The following TJP1 variants were observed in gnomAD, a reference collection of about 807,000 sequenced individuals.
The protein encoded by TJP1 is tight junction protein ZO-1.
In TJP1, 43 loss-of-function variants were observed where a neutral mutation model predicts 194.2. The ratio of observed to expected loss-of-function variants is 0.22; its 90% CI spans 0.17 to 0.29. TJP1 has a LOEUF of 0.29. Ranked by LOEUF, TJP1 falls within the 10% of genes least tolerant of loss-of-function variation. TJP1 has a pLI of 1.00. For missense variants in TJP1, 1,971 were observed against 2,185.7 expected (o/e 0.90, Z 1.96); for synonymous variants, 801 against 779.0 (o/e 1.03, Z -0.47).
Position 29,732,831 on chromosome 15 carries a change from G to A in TJP1, c.1737-16C>T. The A allele has an allele frequency of 1.3e-6, 2 of 1,558,402 alleles. No individual in the cohort carries two copies. Among genetic ancestry groups the A allele is most frequent in the Non-Finnish European group, 1.7e-6 (2 of 1,158,154 alleles). On this transcript the variant is annotated splice_polypyrimidine_tract_variant and intron_variant, in intron 13 of 27. Transcript: ENST00000614355. Reference sequence around the variant, plus strand: ...CTGCTCAGCTCTACACAAGAAAGGAGAAAATTAAAATAAGGGCATTTAAAA... The same window carrying A: ...CTGCTCAGCTCTACACAAGAAAGGAAAAAATTAAAATAAGGGCATTTAAAA...
intron 2 of TJP1, among the ~76,000 whole-genome samples, chr15:29,790,988 T>A (rs2048041113): frequency 6.6e-6 from 1 of 152,140 alleles, no homozygotes; most frequent in South Asian, 2.1e-4. Flanking sequence ...TCACGAATAA[T>A]GCTGCAATAA....
intron 2 of TJP1, among the ~76,000 whole-genome samples, chr15:29,834,376 C>T (rs2050955618): frequency 6.6e-6 from 1 of 152,074 alleles, no homozygotes; most frequent in East Asian, 2.0e-4. Context: ...GGGCACCACC[C>T]GCCCAGCTAA....
intron 8 of TJP1, among the ~76,000 whole-genome samples, chr15:29,744,910 A>C (rs1756361893): frequency 6.6e-6 from 1 of 152,206 alleles, no homozygotes; most frequent in Admixed American, 6.5e-5. Context: ...TTCTAAATAA[A>C]TAAAATACTA....
rs1475411982 is a variant in TJP1 at position 29,700,361 on chromosome 15, T to C, written c.*1234A>G. 5.0e-6 allele frequency: 2 copies of C among 398,862 alleles called. No homozygotes were observed. The highest frequency in any genetic ancestry group is 3.6e-5 in the East Asian group (1 of 28,058). The allele number at this position is 398,862 out of a possible 1,614,324, so 24.7% of individuals were successfully genotyped here. ...ATCACAAATTACAGTAGGGATACTTTGCAAGAATTTAATCAAACTAGAGAA... is the reference window on the plus strand; with the variant it reads ...ATCACAAATTACAGTAGGGATACTTCGCAAGAATTTAATCAAACTAGAGAA... On this transcript the variant is annotated 3_prime_UTR_variant, in exon 28 of 28. Transcript: ENST00000614355.
rs371167321 is a variant in TJP1 at position 29,945,776 on chromosome 15, A to AACACACACACAC, written c.306+10444_306+10455dup. 3.8e-4 allele frequency among the ~76,000 whole-genome samples: 57 copies of AACACACACACAC among 150,130 alleles called. 1 individual carries two copies. The highest frequency in any genetic ancestry group is 1.3e-3 in the African/African-American group (52 of 40,974). On this transcript the variant is annotated intron_variant, in intron 2 of 28. Transcript: ENST00000356107. Reference sequence around the variant, plus strand: ...TACCAGTGAGAACTTAAGGCTATTAAACACACACACACACACACACACACG... The same window carrying AACACACACACAC: ...TACCAGTGAGAACTTAAGGCTATTAAACACACACACACACACACACACACACACACACACACG...
At chr15:29,905,506 T>C (rs1596227002) in intron 2 of TJP1, among the ~76,000 whole-genome samples, 1 of 152,216 alleles carries the variant, frequency 6.6e-6, no homozygotes, top group Admixed American at 6.5e-5. Context: ...TCACACTCTT[T>C]AGTATTTATC....
At chr15:29,867,171 C>G (rs907077936) in intron 2 of TJP1, among the ~76,000 whole-genome samples, 2 of 152,168 alleles carry the variant, frequency 1.3e-5, no homozygotes, top group Non-Finnish European at 2.9e-5. Context: ...CAGGAACATT[C>G]CTGGACACGA....
chr15:29,812,185 G>A (rs746092839), intron 1 of TJP1, among the ~76,000 whole-genome samples: 1 of 152,190 alleles, frequency 6.6e-6, no homozygotes, highest in Non-Finnish European at 1.5e-5. Context: ...GAGTTGCTCG[G>A]TGATAATCTT....
At chr15:29,717,261 A>G (rs927720104) in intron 22 of TJP1, among the ~76,000 whole-genome samples, 1 of 152,222 alleles carries the variant, frequency 6.6e-6, no homozygotes, top group East Asian at 1.9e-4. Flanking sequence ...AATGATTCTC[A>G]TATGAACAAA....
chr15:29,833,881 A>ATATATATATATATATTTTTTTTTTTTT, intron 2 of TJP1, among the ~76,000 whole-genome samples: 1 of 12,614 alleles, frequency 7.9e-5, no homozygotes. Context: ...ATATATATAT[A>ATATATATATATATATTTTTTTTTTTTT]TTTTTTTTTT....
chr15:29,732,312 G>A lies in TJP1; in HGVS notation c.2017+121C>T, dbSNP rs2043717285. ...TTTTCTCACCAAATTAAAAGAATGG[G>A]ATAAACTGCTAATTTTTCACTGACA... On this transcript the variant is annotated intron_variant, in intron 15 of 27. Transcript: ENST00000614355. 2.6e-5 allele frequency: 22 copies of A among 836,836 alleles called. No individual in the cohort carries two copies. In the South Asian group the frequency reaches 3.5e-4, roughly 13 times the overall value. The allele number at this position is 836,836 out of a possible 1,614,324, so 51.8% of individuals were successfully genotyped here. A position where few individuals can be genotyped will look rare whatever the true frequency, so the allele number is the denominator to read the frequency against.
chr15:29,956,347 T>C (rs1226687738), exon 2 of TJP1: 1 of 1,288,966 alleles, frequency 7.8e-7, no homozygotes, highest in Non-Finnish European at 1.0e-6. Context: ...ATTAGGATTT[T>C]CAGAGGATGG....
intron 11 of TJP1, 59 bp from the exon 12 acceptor site, chr15:29,734,441 C>A: frequency 5.6e-6 from 7 of 1,252,868 alleles, no homozygotes; most frequent in Non-Finnish European, 6.9e-6. Flanking sequence ...AAATAACATA[C>A]GCAGGACACA....
chr15:29,860,905 GT>G (rs2052056337), intron 2 of TJP1, among the ~76,000 whole-genome samples: 1 of 152,170 alleles, frequency 6.6e-6, no homozygotes, highest in Non-Finnish European at 1.5e-5. Context: ...TATGTACATT[GT>G]TCTTCTTACA....
chr15:29,749,148 G>T (rs1378859283), intron 8 of TJP1, among the ~76,000 whole-genome samples: 54 of 141,272 alleles, frequency 3.8e-4, no homozygotes, highest in African/African-American at 1.1e-3. Flanking sequence ...AGTTTCTGTT[G>T]TTTTTTTTTT....
intron 20 of TJP1, among the ~76,000 whole-genome samples, 171 bp downstream of exon 20, chr15:29,719,606 T>G (rs2042803053): frequency 6.6e-6 from 1 of 152,176 alleles, no homozygotes; most frequent in Non-Finnish European, 1.5e-5. Flanking sequence ...AGTATACCAA[T>G]GGAAGCCATG....
At chr15:29,809,350 G>A (rs186465751) in intron 1 of TJP1, among the ~76,000 whole-genome samples, 106 of 152,254 alleles carry the variant, frequency 7.0e-4, no homozygotes, top group Non-Finnish European at 1.4e-3. Flanking sequence ...AACCACCATT[G>A]TAATCACCAC....
At chr15:29,963,639 T>A (rs1283121939) in intron 1 of TJP1, among the ~76,000 whole-genome samples, 2 of 152,072 alleles carry the variant, frequency 1.3e-5, no homozygotes, top group African/African-American at 4.8e-5. Context: ...CCCCCTTTTC[T>A]CCCTAAGATC....
chr15:29,775,963 C>T (rs2046991341), intron 2 of TJP1, among the ~76,000 whole-genome samples: 1 of 152,118 alleles, frequency 6.6e-6, no homozygotes, highest in Admixed American at 6.6e-5. Flanking sequence ...CCAAAACATG[C>T]AATATCCAGA....
Sources: gnomAD v4.1 joint callset for allele counts (sites outside exome capture counted in the v4.1 genomes callset) on GRCh38, gnomAD v4.1.1 for gene constraint, MANE v1.5 for transcripts, NCBI Gene and HGNC (gene_info 2026-07-23, HGNC 2026-07-21) for gene names.